The following KCNG3 variants were observed in gnomAD, a reference collection of about 807,000 sequenced individuals.
The protein encoded by KCNG3 is potassium voltage-gated channel modifier subfamily G member 3.
In KCNG3, 15 loss-of-function variants were observed where a neutral mutation model predicts 29.0. The observed-to-expected ratio is 0.52, with a 90% CI of 0.35 to 0.80. KCNG3 has a LOEUF of 0.80. Ranked by LOEUF, KCNG3 falls within the 30% of genes least tolerant of loss-of-function variation. The pLI is 0.01. For missense variants in KCNG3, 512 were observed against 605.7 expected (o/e 0.85, Z 1.62); for synonymous variants, 322 against 248.9 (o/e 1.29, Z -2.76).
chr2:42,415,039 T>C, the KCNG3 span, among the ~76,000 whole-genome samples: 1 of 152,336 alleles, frequency 6.6e-6, no homozygotes, highest in South Asian at 2.1e-4. Flanking sequence ...TTGTAGATTT[T>C]CCTTGATAGG....
At chr2:42,408,005 C>T in the KCNG3 span, among the ~76,000 whole-genome samples, 10 of 152,314 alleles carry the variant, frequency 6.6e-5, no homozygotes, top group Admixed American at 3.9e-4. Context: ...GTGCCCACGC[C>T]GATCTCAGAA....
the KCNG3 span, among the ~76,000 whole-genome samples, chr2:42,404,297 C>T: frequency 7.2e-6 from 1 of 138,236 alleles, no homozygotes; most frequent in Non-Finnish European, 1.6e-5. Context: ...GTGCCTGATA[C>T]AAGGAAGAAG....
chr2:42,420,436 A>C, the KCNG3 span, among the ~76,000 whole-genome samples: 1 of 152,136 alleles, frequency 6.6e-6, no homozygotes, highest in South Asian at 2.1e-4. Context: ...CATGAGTGGA[A>C]GTGCACTAGA....
downstream of KCNG3, among the ~76,000 whole-genome samples, chr2:42,437,829 T>C (rs941466040): frequency 6.6e-6 from 1 of 151,386 alleles, no homozygotes; most frequent in Non-Finnish European, 1.5e-5. Flanking sequence ...TCCCAGATAC[T>C]TGGGAGGCTG....
intron 1 of KCNG3, among the ~76,000 whole-genome samples, chr2:42,489,391 T>A (rs940296659): frequency 1.3e-5 from 2 of 151,926 alleles, no homozygotes; most frequent in African/African-American, 4.8e-5. Flanking sequence ...CTCTTCTCAA[T>A]CAATCAACAA....
the KCNG3 span, among the ~76,000 whole-genome samples, chr2:42,417,791 TGAAA>T: frequency 4.6e-5 from 7 of 151,992 alleles, no homozygotes; most frequent in South Asian, 1.5e-3. Flanking sequence ...GCCAGCATGG[TGAAA>T]CCCTGTCTCT....
chr2:42,406,094 T>C, the KCNG3 span, among the ~76,000 whole-genome samples: 1 of 152,200 alleles, frequency 6.6e-6, no homozygotes. Context: ...AATATTGTTG[T>C]TTACTAGTAA....
intron 1 of KCNG3, among the ~76,000 whole-genome samples, chr2:42,458,727 G>A (rs1672940641): frequency 6.6e-6 from 1 of 152,010 alleles, no homozygotes; most frequent in African/African-American, 2.4e-5. Flanking sequence ...GTTCTGTCCT[G>A]CTAGTGTGAG....
intron 1 of KCNG3, among the ~76,000 whole-genome samples, chr2:42,456,964 T>A (rs1020996835): frequency 3.3e-5 from 5 of 152,144 alleles, no homozygotes; most frequent in Admixed American, 6.5e-5. Flanking sequence ...AAAACATGAT[T>A]TTTTTCTTAC....
intron 1 of KCNG3, among the ~76,000 whole-genome samples, chr2:42,449,510 A>C (rs1672693898): frequency 8.0e-6 from 1 of 125,470 alleles, no homozygotes; most frequent in Non-Finnish European, 1.6e-5. Flanking sequence ...AGCCACTGAG[A>C]TTTCTTTTTT....
chr2:42,459,150 C>G (rs988075805), intron 1 of KCNG3, among the ~76,000 whole-genome samples: 1 of 150,642 alleles, frequency 6.6e-6, no homozygotes, highest in African/African-American at 2.4e-5. Flanking sequence ...GAGCCAAGAT[C>G]GCACCACTGC....
At chr2:42,451,780 G>C (rs1672760629) in intron 1 of KCNG3, among the ~76,000 whole-genome samples, 1 of 151,636 alleles carries the variant, frequency 6.6e-6, no homozygotes, top group Non-Finnish European at 1.5e-5. Flanking sequence ...TGTGCCTGTA[G>C]TCCTAGCTAC....
the KCNG3 span, among the ~76,000 whole-genome samples, chr2:42,435,980 A>G: frequency 1.3e-5 from 2 of 152,240 alleles, no homozygotes; most frequent in South Asian, 4.1e-4. Context: ...AAAAGTAGAA[A>G]CAAGTGTCCA....
At chr2:42,471,170 G>C (rs1030252293) in intron 1 of KCNG3, among the ~76,000 whole-genome samples, 1 of 150,570 alleles carries the variant, frequency 6.6e-6, no homozygotes, top group Non-Finnish European at 1.5e-5. Flanking sequence ...GTGTGTGTGT[G>C]TGTGTGTGTG....
intron 1 of KCNG3, among the ~76,000 whole-genome samples, chr2:42,452,243 A>ATATATATATATATATATATATATTTTTT: frequency 1.1e-5 from 1 of 95,066 alleles, no homozygotes; most frequent in African/African-American, 3.9e-5. Flanking sequence ...ATATATATAT[A>ATATATATATATATATATATATATTTTTT]TTTTTTTTTT....
chr2:42,417,605 A>G, the KCNG3 span, among the ~76,000 whole-genome samples: 12 of 152,252 alleles, frequency 7.9e-5, no homozygotes, highest in East Asian at 2.3e-3. Flanking sequence ...TACAGGCGTG[A>G]GCCACCATTT....
At chr2:42,407,681 C>T in the KCNG3 span, among the ~76,000 whole-genome samples, 5 of 152,128 alleles carry the variant, frequency 3.3e-5, no homozygotes, top group African/African-American at 1.2e-4. Flanking sequence ...ACCCGGGCCT[C>T]CCTGTGCTCT....
At position 42,469,017 on chromosome 2, in the gene KCNG3, A is replaced by C. The variant is rs922930917; in HGVS notation, c.665+23820T>G. On this transcript the variant is annotated intron_variant, in intron 1 of 1. Transcript: ENST00000306078. ...CTAAATCCATAAATTTAATGCAAAA[A>C]ATTTTAGTGTAATGTGATCAAAATT... Among the ~76,000 whole-genome samples, 3 of 151,566 alleles carry C rather than the reference A, an allele frequency of 2.0e-5. No homozygotes were observed. In the South Asian group the frequency reaches 6.3e-4, roughly 32 times the overall value.
chr2:42,416,775 G>A, the KCNG3 span, among the ~76,000 whole-genome samples: 1 of 149,148 alleles, frequency 6.7e-6, no homozygotes, highest in Non-Finnish European at 1.5e-5. Flanking sequence ...CCGAGATTGC[G>A]CCACTGCACT....
Sources: allele counts gnomAD v4.1 joint callset (sites outside exome capture counted in the v4.1 genomes callset), GRCh38; gene constraint gnomAD v4.1.1; transcripts MANE v1.5; gene names NCBI Gene and HGNC (gene_info 2026-07-23, HGNC 2026-07-21).